GPHN: variants seen among roughly 807,000 people sequenced by gnomAD.
The protein encoded by GPHN is gephyrin.
GPHN carries 17 observed loss-of-function variants against 95.5 expected under a neutral mutation model. The observed-to-expected ratio is 0.18, with a 90% CI of 0.12 to 0.27. The LOEUF (loss-of-function observed/expected upper bound fraction) is 0.27, where lower values mean the gene tolerates loss of function less well. Among genes scored for constraint, GPHN ranks in the 10% least tolerant of loss-of-function variants. The probability of loss-of-function intolerance (pLI) is 1.00; values close to 1 mark genes in which losing one functional copy is unlikely to be tolerated. For missense variants in GPHN, 660 were observed against 978.1 expected (o/e 0.67, Z 4.34); for synonymous variants, 320 against 322.5 (o/e 0.99, Z 0.08).
the GPHN span, chr14:67,204,577 G>A: frequency 6.2e-7 from 1 of 1,613,612 alleles, no homozygotes; most frequent in African/African-American, 1.3e-5. Context: ...TGTGCATGAT[G>A]CGGAGAACAT....
chr14:67,679,041 T>C, the GPHN span, among the ~76,000 whole-genome samples: 1 of 152,142 alleles, frequency 6.6e-6, no homozygotes, highest in African/African-American at 2.4e-5. Flanking sequence ...ATAATGAGCA[T>C]ACAGAAACTG....
the GPHN span, among the ~76,000 whole-genome samples, chr14:67,516,766 T>G: frequency 6.6e-6 from 1 of 152,170 alleles, no homozygotes; most frequent in South Asian, 2.1e-4. Flanking sequence ...CCCATGTATA[T>G]CGTGTTCCTG....
chr14:66,868,279 T>C (rs755533362), intron 4 of GPHN, among the ~76,000 whole-genome samples: 5 of 152,154 alleles, frequency 3.3e-5, no homozygotes, highest in African/African-American at 4.8e-5. Context: ...ATTTGTCTGC[T>C]CTGTTAATAA....
chr14:67,278,040 T>C, the GPHN span, among the ~76,000 whole-genome samples: 1 of 144,434 alleles, frequency 6.9e-6, no homozygotes, highest in African/African-American at 2.6e-5. Flanking sequence ...CCCCAATTCT[T>C]TTTTTTTTTT....
chr14:67,023,883 A>G (rs2073792606), intron 10 of GPHN, among the ~76,000 whole-genome samples: 1 of 152,152 alleles, frequency 6.6e-6, no homozygotes, highest in Admixed American at 6.5e-5. Flanking sequence ...AGCTGACACC[A>G]GAACTTTGAT....
intron 1 of GPHN, among the ~76,000 whole-genome samples, chr14:66,592,089 T>G (rs966412523): frequency 6.6e-6 from 1 of 152,198 alleles, no homozygotes; most frequent in Admixed American, 6.5e-5. Flanking sequence ...TTGGGAAAAC[T>G]GGCTAGCCAT....
the GPHN span, among the ~76,000 whole-genome samples, chr14:67,419,788 A>G: frequency 3.3e-5 from 5 of 151,794 alleles, no homozygotes; most frequent in Admixed American, 6.6e-5. Context: ...GGCGGAGCTT[A>G]CAGTAAGCCG....
At chr14:67,643,563 C>A in the GPHN span, among the ~76,000 whole-genome samples, 1 of 152,194 alleles carries the variant, frequency 6.6e-6, no homozygotes, top group Non-Finnish European at 1.5e-5. Flanking sequence ...GTGGTGCATG[C>A]CTGCAGGCCC....
intron 2 of GPHN, among the ~76,000 whole-genome samples, chr14:66,704,101 A>G (rs188108982): frequency 1.3e-5 from 2 of 152,318 alleles, no homozygotes; most frequent in South Asian, 2.1e-4. Context: ...AAAGGGACCA[A>G]TTCAACAAGA....
the GPHN span, among the ~76,000 whole-genome samples, chr14:67,327,795 C>T: frequency 6.6e-6 from 1 of 152,202 alleles, no homozygotes; most frequent in Non-Finnish European, 1.5e-5. Flanking sequence ...CAGCTTCATC[C>T]ATGTCCCTAC....
intron 2 of GPHN, among the ~76,000 whole-genome samples, chr14:66,773,323 A>G (rs2059251003): frequency 6.6e-6 from 1 of 151,880 alleles, no homozygotes; most frequent in Non-Finnish European, 1.5e-5. Context: ...CTTTCTAACA[A>G]ATCTTAGGAA....
At position 67,066,856 on chromosome 14, in the gene GPHN, C is replaced by T. The variant is rs370864753; in HGVS notation, c.1144+8070C>T. Among the ~76,000 whole-genome samples the T allele has an allele frequency of 4.1e-4, 62 of 152,222 alleles. 1 individual carries two copies. The East Asian group carries it at 9.1e-3, about 22-fold the overall frequency. On this transcript the variant is annotated intron_variant, in intron 11 of 22. Coordinates refer to ENST00000478722, the MANE Select transcript of GPHN (RefSeq NM_020806.5). ...AACCTTTTTTCAAGGTTTTTAGCTT[C>T]CTTGTGATGGGTTAGAACATGCTCC...
At chr14:66,747,467 T>G (rs993198103) in intron 2 of GPHN, among the ~76,000 whole-genome samples, 4 of 152,132 alleles carry the variant, frequency 2.6e-5, no homozygotes, top group African/African-American at 9.7e-5. Context: ...AATTAGATGT[T>G]AATTCATTAA....
chr14:66,844,952 C>T (rs1326273858), intron 4 of GPHN, among the ~76,000 whole-genome samples: 1 of 152,038 alleles, frequency 6.6e-6, no homozygotes. Flanking sequence ...TTCTAGATAC[C>T]TCATATAAGT....
intron 9 of GPHN, among the ~76,000 whole-genome samples, chr14:66,970,979 A>AT (rs1220950040): frequency 1.3e-5 from 2 of 152,172 alleles, no homozygotes; most frequent in African/African-American, 4.8e-5. Context: ...GCTTTTAACA[A>AT]TTATTAAGGA....
chr14:66,578,698 G>GA (rs2061015511), intron 1 of GPHN, among the ~76,000 whole-genome samples: 3 of 94,610 alleles, frequency 3.2e-5, no homozygotes, highest in Admixed American at 2.0e-4. Context: ...CTTGCTCAAA[G>GA]AAAGAAAAAA....
At chr14:66,764,598 T>G (rs2058892511) in intron 2 of GPHN, among the ~76,000 whole-genome samples, 1 of 152,170 alleles carries the variant, frequency 6.6e-6, no homozygotes, top group Non-Finnish European at 1.5e-5. Context: ...TCACACAGTA[T>G]TCTGAGATAA....
chr14:67,226,650 T>A, the GPHN span, among the ~76,000 whole-genome samples: 1 of 111,498 alleles, frequency 9.0e-6, no homozygotes, highest in East Asian at 5.8e-4. Context: ...CGTGAGCCAC[T>A]GTGCCTGGCT....
At chr14:67,343,484 T>A in the GPHN span, 1 of 1,327,968 alleles carries the variant, frequency 7.5e-7, no homozygotes, top group Non-Finnish European at 1.1e-6. Context: ...GTCTTCCTAA[T>A]CATTCCCTGA....
Sources: allele counts gnomAD v4.1 joint callset (sites outside exome capture counted in the v4.1 genomes callset), GRCh38; gene constraint gnomAD v4.1.1; transcripts MANE v1.5; gene names NCBI Gene and HGNC (gene_info 2026-07-23, HGNC 2026-07-21).